LRMDA: variants seen among roughly 807,000 people sequenced by gnomAD.
The protein encoded by LRMDA is leucine rich melanocyte differentiation associated.
A neutral mutation model predicts 29.8 loss-of-function variants in LRMDA; 18 were observed. That is an observed-to-expected ratio of 0.60 (90% confidence interval 0.42 to 0.90). The LOEUF (loss-of-function observed/expected upper bound fraction) is 0.90. Ranked by LOEUF, LRMDA falls within the 40% of genes least tolerant of loss-of-function variation. The pLI is 0.00. For synonymous variants in LRMDA, 125 were observed against 109.4 expected, an observed-to-expected ratio of 1.14 and a Z score of -0.89; for missense variants, 273 against 273.9, an observed-to-expected ratio of 1.00 and a Z score of 0.02.
intron 6 of LRMDA, among the ~76,000 whole-genome samples, chr10:76,494,342 A>T (rs995442121): frequency 1.7e-3 from 234 of 139,770 alleles, no homozygotes; most frequent in Admixed American, 4.9e-3. Context: ...TTTTTTTTTT[A>T]AATGACTGTT....
chr10:76,518,239 TCTAC>T (rs536486873), intron 6 of LRMDA, among the ~76,000 whole-genome samples: 10 of 151,906 alleles, frequency 6.6e-5, no homozygotes, highest in African/African-American at 2.2e-4. Context: ...TATCTGTCTA[TCTAC>T]CTACCTACCT....
At chr10:75,626,853 G>C (rs1841255997) in intron 2 of LRMDA, among the ~76,000 whole-genome samples, 1 of 152,198 alleles carries the variant, frequency 6.6e-6, no homozygotes, top group Non-Finnish European at 1.5e-5. Flanking sequence ...TTCTGTGTTG[G>C]TGACAGCATC....
At chr10:75,631,411 C>G (rs2059999) in intron 2 of LRMDA, among the ~76,000 whole-genome samples, 1 of 151,528 alleles carries the variant, frequency 6.6e-6, no homozygotes, top group Non-Finnish European at 1.5e-5. Flanking sequence ...GCACCCCCCC[C>G]GCCCCGCCAC....
intron 2 of LRMDA, among the ~76,000 whole-genome samples, chr10:75,701,176 C>T (rs1842304059): frequency 6.6e-6 from 1 of 152,152 alleles, no homozygotes; most frequent in South Asian, 2.1e-4. Flanking sequence ...GCTCAGCTTT[C>T]TTGTGGCAGG....
In LRMDA at chr10:75,781,583, T is replaced by C. The variant is rs1278827481; in HGVS notation, c.132-254425T>C. Among the ~76,000 whole-genome samples the C allele has an allele frequency of 4.6e-5, 7 of 152,176 alleles. No homozygotes were observed. In the East Asian group the frequency reaches 1.3e-3, roughly 29 times the overall value. On this transcript the variant is annotated intron_variant, in intron 2 of 6. Transcript: ENST00000611255. ...GTGCTTTAATGCGAACATTATCTTA[T>C]TTGTTCTCATTGTAACACAGTGAGG...
chr10:75,931,747 A>G (rs929297313), intron 2 of LRMDA, among the ~76,000 whole-genome samples: 22 of 152,212 alleles, frequency 1.4e-4, no homozygotes, highest in African/African-American at 5.1e-4. Flanking sequence ...CACTCTCATC[A>G]GCAATACTGA....
intron 2 of LRMDA, among the ~76,000 whole-genome samples, chr10:75,650,521 A>C (rs1841584466): frequency 6.6e-6 from 1 of 152,068 alleles, no homozygotes; most frequent in African/African-American, 2.4e-5. Flanking sequence ...GAGATAGCAG[A>C]ATTTAAACAT....
At chr10:75,485,591 TAC>T (rs747732916) in intron 2 of LRMDA, among the ~76,000 whole-genome samples, 44 of 150,092 alleles carry the variant, frequency 2.9e-4, no homozygotes, top group South Asian at 1.1e-3. Flanking sequence ...TATATATATA[TAC>T]ATATTTTGAG....
At chr10:76,149,626 G>A (rs576100999) in intron 5 of LRMDA, among the ~76,000 whole-genome samples, 13 of 152,084 alleles carry the variant, frequency 8.5e-5, no homozygotes, top group Non-Finnish European at 1.8e-4. Flanking sequence ...ATTTTGGCAG[G>A]GGTCTCCGTA....
rs191639861 is a variant in LRMDA, at chr10:76,053,457, A to T, written c.399-5209A>T. On this transcript the variant is annotated intron_variant, in intron 4 of 6. Coordinates refer to ENST00000611255, the MANE Select transcript of LRMDA (RefSeq NM_001305581.2). ...CCAGGATTAAATTTACAAGGGTTGA[A>T]TTGATATTGTAAAAGCCTTCATTCT... 1.9e-3 allele frequency among the ~76,000 whole-genome samples: 292 copies of T among 152,300 alleles called. 1 individual carries two copies. The highest frequency in any genetic ancestry group is 6.8e-3 in the African/African-American group (284 of 41,572).
At chr10:75,640,832 T>C (rs552601911) in intron 2 of LRMDA, among the ~76,000 whole-genome samples, 1 of 152,322 alleles carries the variant, frequency 6.6e-6, no homozygotes, top group South Asian at 2.1e-4. Flanking sequence ...TATATTTTTT[T>C]CCCCCATGCC....
rs760106668 is a variant in LRMDA at position 76,379,274 on chromosome 10, A to AT, written c.601+54795dup. Among the ~76,000 whole-genome samples, 8 of 150,818 alleles carry AT rather than the reference A, an allele frequency of 5.3e-5. No individual in the cohort carries two copies. In the South Asian group the frequency reaches 1.5e-3, roughly 28 times the overall value. ...GTTAGGGAGGAGTCCTTCCTCCTCA[A>AT]TTTTTTGGAATACTTTCACTACGAT... On this transcript the variant is annotated intron_variant, in intron 6 of 6. Coordinates refer to ENST00000611255, the MANE Select transcript of LRMDA (RefSeq NM_001305581.2).
At chr10:75,431,796 G>A in intron 1 of LRMDA, 42 bp downstream of exon 1, 2 of 1,324,706 alleles carry the variant, frequency 1.5e-6, no homozygotes, top group South Asian at 2.2e-5. Context: ...GGCGCAGTCC[G>A]CGTGGGGAGG....
At chr10:76,081,111 C>T (rs888005726) in intron 5 of LRMDA, among the ~76,000 whole-genome samples, 1 of 152,190 alleles carries the variant, frequency 6.6e-6, no homozygotes, top group Non-Finnish European at 1.5e-5. Flanking sequence ...TTTCCCAGTG[C>T]ATTCAGCATC....
At position 76,506,408 on chromosome 10, in the gene LRMDA, A is replaced by T. The variant is rs557315557; in HGVS notation, c.602-50801A>T. Among the ~76,000 whole-genome samples, 6 of 152,250 alleles carry T rather than the reference A, an allele frequency of 3.9e-5. No homozygotes were observed. The South Asian group carries it at 1.2e-3, about 32-fold the overall frequency. The stretch of plus-strand genomic sequence containing the variant: ...ATACACCAGCTCCATTCATAGCTGA[A>T]CACTTCACCAGGTTCCTAATTCCTG... On this transcript the variant is annotated intron_variant, in intron 6 of 6. Transcript: ENST00000611255.
chr10:76,386,793 GATA>G (rs1421593817), intron 6 of LRMDA, among the ~76,000 whole-genome samples: 4 of 151,834 alleles, frequency 2.6e-5, no homozygotes, highest in African/African-American at 4.8e-5. Context: ...TAAGCTAGGA[GATA>G]ATATTTTAAA....
At chr10:75,656,381 C>T (rs1864485) in intron 2 of LRMDA, among the ~76,000 whole-genome samples, 15,141 of 152,208 alleles carry the variant, frequency 0.099, 1,710 homozygotes, top group East Asian at 0.33. Flanking sequence ...AATAGAAGTA[C>T]CCACTTCCTA....
intron 2 of LRMDA, among the ~76,000 whole-genome samples, chr10:75,890,705 G>T (rs910544004): frequency 6.6e-6 from 1 of 152,164 alleles, no homozygotes; most frequent in African/African-American, 2.4e-5. Context: ...TAGAAGCTTG[G>T]ATGCCAGCTG....
intron 4 of LRMDA, among the ~76,000 whole-genome samples, chr10:76,057,631 A>G (rs1898066): frequency 0.39 from 60,050 of 152,136 alleles, 12,693 homozygotes; most frequent in Non-Finnish European, 0.45. Context: ...CCTTCACAGG[A>G]GATGAGGCTT....
Sources: gnomAD v4.1 joint callset for allele counts (sites outside exome capture counted in the v4.1 genomes callset) on GRCh38, gnomAD v4.1.1 for gene constraint, MANE v1.5 for transcripts, NCBI Gene and HGNC (gene_info 2026-07-23, HGNC 2026-07-21) for gene names.